SPTBN2: variants seen among roughly 807,000 people sequenced by gnomAD.
SPTBN2 encodes the protein spectrin beta chain, non-erythrocytic 2.
SPTBN2 carries 107 observed loss-of-function variants against 284.2 expected under a neutral mutation model. The ratio of observed to expected loss-of-function variants is 0.38; its 90% CI spans 0.32 to 0.44. The LOEUF is 0.44. Ranked by LOEUF, SPTBN2 falls within the 20% of genes least tolerant of loss-of-function variation. The pLI, the probability that SPTBN2 is intolerant of heterozygous loss-of-function variation, is 1.00. For synonymous variants in SPTBN2, 1,289 were observed against 1,354.8 expected (o/e 0.95, Z 1.07); for missense variants, 2,569 against 3,287.1 (o/e 0.78, Z 5.34).
chr11:66,708,915 G>A lies in SPTBN2; in HGVS notation c.1178C>T (p.Ser393Leu), dbSNP rs779874676. Residue 393 changes from serine (S) to leucine (L), a missense_variant, in exon 11 of 38, where the codon TCG (serine) becomes TTG (leucine). Ser to Leu is a moderately radical substitution (Grantham distance 145). This residue lies in a region of SPTBN2 where 304 missense variants were observed against 522.1 expected (regional missense o/e 0.58). Coordinates refer to ENST00000533211, the MANE Select transcript of SPTBN2 (RefSeq NM_006946.4). This position sits in a 1 kb window ranked among gnomAD's most constrained non-coding sequence, Gnocchi z 4.4. ...VYTPREGRLISDINKAWERLE... is the reference protein window; with the variant it reads ...VYTPREGRLILDINKAWERLE... ...GCAGCCACGGACCTTGTTGATGTCC[G>A]AGATGAGCCGGCCCTCGCGGGGCGT... The A allele has an allele frequency of 3.7e-6, 6 of 1,613,854 alleles. No homozygotes were observed. The highest frequency in any genetic ancestry group is 1.7e-6 in the Non-Finnish European group (2 of 1,179,926).
In SPTBN2 at chr11:66,692,517, G is replaced by C; in HGVS notation, c.5190+19C>G. On this transcript the variant is annotated intron_variant, in intron 26 of 37. Transcript: ENST00000533211. ...TCTTCCCACGGTTGATCTGAGCTGG[G>C]TGCCCTCCCTACACTCACAGTCACA... 2 of 1,599,724 alleles carry C rather than the reference G, an allele frequency of 1.3e-6. No individual in the cohort carries two copies. Among genetic ancestry groups the C allele is most frequent in the Non-Finnish European group, 8.5e-7 (1 of 1,179,812 alleles).
At position 66,713,676 on chromosome 11, in the gene SPTBN2, G is replaced by C; in HGVS notation, c.727C>G (p.Leu243Val). 1 of 1,614,082 alleles carries C rather than the reference G, an allele frequency of 6.2e-7. No homozygotes were observed. Among genetic ancestry groups the C allele is most frequent in the Non-Finnish European group, 8.5e-7 (1 of 1,180,040 alleles). ...GTAAGTCCCAGTTCCTTTTCAGCCA[G>C]ATTGAATGCATTCTGCAGATTATAG... is the stretch of plus-strand genomic sequence containing the variant. ...AHYNLQNAFNLAEKELGLTKL... is the reference protein window; with the variant it reads ...AHYNLQNAFNVAEKELGLTKL... Residue 243 changes from leucine to valine, a missense_variant, in exon 8 of 38, where the codon CTG (leucine) becomes GTG (valine). Coordinates refer to ENST00000533211, the MANE Select transcript of SPTBN2 (RefSeq NM_006946.4).
At chr11:66,709,518 C>T (rs1226940934) in intron 10 of SPTBN2, among the ~76,000 whole-genome samples, 1 of 152,204 alleles carries the variant, frequency 6.6e-6, no homozygotes, top group African/African-American at 2.4e-5. Context: ...ACTTATTTTT[C>T]ATGAACACCT....
At chr11:66,739,355 C>T (rs1280267757) in intron 1 of SPTBN2, among the ~76,000 whole-genome samples, 1 of 152,240 alleles carries the variant, frequency 6.6e-6, no homozygotes, top group Non-Finnish European at 1.5e-5. Context: ...TGTAATCACA[C>T]ACAGTCAGGA....
Position 66,691,229 on chromosome 11 carries a change from AT to A in SPTBN2, c.5565+54del, listed in dbSNP as rs1191361605. ...CTAGCTCCTGGGAACTCTCCCCGGC[AT>A]TTCCCCCATGGCCTCCTCTAAGCCT... On this transcript the variant is annotated intron_variant, in intron 27 of 37. Coordinates refer to ENST00000533211, the MANE Select transcript of SPTBN2 (RefSeq NM_006946.4). This position sits in a 1 kb window ranked among gnomAD's most constrained non-coding sequence, Gnocchi z 8.0. The A allele has an allele frequency of 2.0e-6, 3 of 1,499,654 alleles. No individual in the cohort carries two copies. The highest frequency in any genetic ancestry group is 1.4e-5 in the South Asian group (1 of 71,856). The allele number at this position is 1,499,654 out of a possible 1,614,324, so 92.9% of individuals were successfully genotyped here. A position where few individuals can be genotyped will look rare whatever the true frequency, so the allele number is the denominator to read the frequency against.
intron 6 of SPTBN2, 25 bp from the exon 7 acceptor site, chr11:66,714,196 G>A (rs2135514258): frequency 1.2e-6 from 2 of 1,612,852 alleles, no homozygotes; most frequent in African/African-American, 1.3e-5. Flanking sequence ...TCAGAAAATG[G>A]TGAGTAGGGC....
intron 3 of SPTBN2, among the ~76,000 whole-genome samples, chr11:66,719,378 G>T (rs1942291183): frequency 6.6e-6 from 1 of 152,186 alleles, no homozygotes; most frequent in African/African-American, 2.4e-5. Flanking sequence ...CTTCCTCTGG[G>T]CTTCAGCGTT....
Position 66,715,681 on chromosome 11 carries a change from A to G in SPTBN2, c.309+149T>C. 1 of 1,157,124 alleles carries G rather than the reference A, an allele frequency of 8.6e-7. No individual in the cohort carries two copies. Among genetic ancestry groups the G allele is most frequent in the Non-Finnish European group, 1.2e-6 (1 of 801,030 alleles). 71.7% of individuals were successfully genotyped at this position (1,157,124 alleles called of 1,614,324 possible). A position where few individuals can be genotyped will look rare whatever the true frequency, so the allele number is the denominator to read the frequency against. Reference sequence around the variant, plus strand: ...ATGCTCCTATGTAATCTAAGTGGCAAAGGCACTTGAAATGAACCCATCCTC... The same window carrying G: ...ATGCTCCTATGTAATCTAAGTGGCAGAGGCACTTGAAATGAACCCATCCTC... On this transcript the variant is annotated intron_variant, in intron 4 of 37. Transcript: ENST00000533211. This position sits in a 1 kb window ranked among gnomAD's most constrained non-coding sequence, Gnocchi z 5.3.
At chr11:66,705,519 C>T (rs367835582) in intron 14 of SPTBN2, 51 bp from the exon 15 acceptor site, 76 of 1,610,730 alleles carry the variant, frequency 4.7e-5, no homozygotes, top group Non-Finnish European at 6.3e-5. Context: ...CCTCCGGCTG[C>T]TCCCTGCCAC....
At chr11:66,706,230 C>T (rs901942333) in intron 13 of SPTBN2, among the ~76,000 whole-genome samples, 1 of 152,218 alleles carries the variant, frequency 6.6e-6, no homozygotes, top group African/African-American at 2.4e-5. Context: ...CGCTGTCATG[C>T]TGCCTGCCCA....
chr11:66,721,296 A>G (rs1942392420), intron 2 of SPTBN2, 34 bp from the exon 3 acceptor site: 1 of 1,610,502 alleles, frequency 6.2e-7, no homozygotes. Context: ...AGGGGTGTCC[A>G]GGGACCACCA....
At position 66,718,818 on chromosome 11, in the gene SPTBN2, G is replaced by GGCT. The variant is rs1184122035; in HGVS notation, c.157+2263_157+2265dup. On this transcript the variant is annotated intron_variant, in intron 3 of 37. Transcript: ENST00000533211. The surrounding 1 kb of genome is among the most constrained non-coding windows in gnomAD (Gnocchi z 4.8). ...TGAGACAGAGAGTGGGGGCACGCCT[G>GGCT]GCTGCGGTGAGAGGAGACAGGCGGC... 6.6e-6 allele frequency among the ~76,000 whole-genome samples: 1 copy of GGCT among 152,260 alleles called. No individual in the cohort carries two copies. The highest frequency in any genetic ancestry group is 1.5e-5 in the Non-Finnish European group (1 of 68,040).
At chr11:66,733,031 GCAGGGAAAACA>G (rs1942825110), upstream of SPTBN2, among the ~76,000 whole-genome samples, 1 of 151,852 alleles carries the variant, frequency 6.6e-6, no homozygotes, top group Admixed American at 6.6e-5. Flanking sequence ...AGACCAGGGT[GCAGGGAAAACA>G]GAGGGGAAGA....
At chr11:66,720,288 G>A (rs147687842) in intron 3 of SPTBN2, among the ~76,000 whole-genome samples, 2 of 152,312 alleles carry the variant, frequency 1.3e-5, no homozygotes, top group African/African-American at 2.4e-5. Context: ...TGGGCAGCCA[G>A]CAGGTCAATG....
chr11:66,699,445 G>A lies in SPTBN2; in HGVS notation c.3737C>T (p.Ala1246Val), dbSNP rs1941119241. 8.1e-6 allele frequency: 13 copies of A among 1,614,086 alleles called. No homozygotes were observed. In the East Asian group the frequency reaches 2.7e-4, roughly 33 times the overall value. ...GTCTGCCTTTTCCCGAATCTTGTCG[G>A]CGTGGATGTTGCCTTCAGATACCAG... ...RQLVSEGNIH[A>V]DKIREKADSI... is the part of the protein sequence containing the mutation. The change falls in exon 18 of 38, where the codon GCC becomes GTC. Residue 1246 changes from alanine to valine, a missense_variant. Ala to Val is a moderately conservative substitution (Grantham distance 64, BLOSUM62 0). Around this residue, in one of 6 missense-constraint regions of SPTBN2, gnomAD observed 1,012 missense variants for 1,248.9 expected, o/e 0.81. Coordinates refer to ENST00000533211, the MANE Select transcript of SPTBN2 (RefSeq NM_006946.4).
In SPTBN2 at chr11:66,721,228, G is replaced by C; in HGVS notation, c.13C>G (p.Leu5Val). Residue 5 changes from leucine to valine, a missense_variant, in exon 3 of 38, where the codon CTG becomes GTG. Leu to Val is a conservative substitution (Grantham distance 32). Around this residue, in one of 6 missense-constraint regions of SPTBN2, gnomAD observed 304 missense variants for 522.1 expected, o/e 0.58. Coordinates refer to ENST00000533211, the MANE Select transcript of SPTBN2 (RefSeq NM_006946.4). MSST[L>V]SPTDFDSLEI... The stretch of plus-strand genomic sequence containing the variant: ...AAGCTGTCAAAGTCTGTGGGTGACA[G>C]CGTGCTGCTCATGGTGGTAGGCGGC... 1 of 1,614,216 alleles carries C rather than the reference G, an allele frequency of 6.2e-7. No homozygotes were observed. Among genetic ancestry groups the C allele is most frequent in the South Asian group, 1.1e-5 (1 of 91,084 alleles).
intron 8 of SPTBN2, among the ~76,000 whole-genome samples, chr11:66,712,495 C>T (rs1189987358): frequency 2.6e-5 from 4 of 150,980 alleles, no homozygotes; most frequent in South Asian, 2.1e-4. Flanking sequence ...TGCAGTGAGC[C>T]GAGATCGCGC....
chr11:66,734,484 G>A (rs139271179), intron 1 of SPTBN2, among the ~76,000 whole-genome samples: 1,643 of 152,186 alleles, frequency 0.011, 37 homozygotes, highest in African/African-American at 0.037. Context: ...AGTTTCCCCA[G>A]TGTTTATGGG....
rs764744589 is a variant in SPTBN2 at position 66,691,455 on chromosome 11, G to A, written c.5394C>T (p.Ala1798=). 38 of 1,611,576 alleles carry A rather than the reference G, an allele frequency of 2.4e-5. No homozygotes were observed. Among genetic ancestry groups the A allele is most frequent in the East Asian group, 2.2e-4 (10 of 44,878 alleles). ...ELLDTRGQVL[A]AAYELQRFLH... ...GGAAGCGCTGCAGCTCGTACGCCGCGGCCAGCACCTGACCCCGTGTGTCCA... is the reference window on the plus strand; with the variant it reads ...GGAAGCGCTGCAGCTCGTACGCCGCAGCCAGCACCTGACCCCGTGTGTCCA... Residue 1798 remains alanine (A), a synonymous_variant, in exon 27 of 38, where the codon GCC becomes GCT. Transcript: ENST00000533211. This position sits in a 1 kb window ranked among gnomAD's most constrained non-coding sequence, Gnocchi z 8.0.
Sources: gnomAD v4.1 joint callset for allele counts (sites outside exome capture counted in the v4.1 genomes callset) on GRCh38, gnomAD v4.1.1 for gene constraint, gnomAD v4.1.1 regional missense constraint, Gnocchi (gnomAD v3.1) non-coding constraint, MANE v1.5 for transcripts, NCBI Gene and HGNC (gene_info 2026-07-23, HGNC 2026-07-21) for gene names.